The following GCG variants were observed in gnomAD, a reference collection of about 807,000 sequenced individuals.
The protein encoded by GCG is pro-glucagon.
Under a neutral mutation model 22.8 loss-of-function variants are expected in GCG, and 11 were observed. The observed-to-expected ratio is 0.48, with a 90% confidence interval of 0.30 to 0.80. GCG has a LOEUF of 0.80. GCG is among the 30% of genes least tolerant of loss of function. The pLI, the probability that GCG is intolerant of heterozygous loss-of-function variation, is 0.06. For missense variants in GCG, 222 were observed against 222.0 expected (o/e 1.00, Z 0.00); for synonymous variants, 89 against 72.4 (o/e 1.23, Z -1.16).
Position 162,145,638 on chromosome 2 carries a change from A to G in GCG, c.294T>C (p.His98=), listed in dbSNP as rs1254842405. 6.2e-7 allele frequency: 1 copy of G among 1,611,300 alleles called. No homozygotes were observed. The highest frequency in any genetic ancestry group is 8.5e-7 in the Non-Finnish European group (1 of 1,178,264). Residue 98 remains histidine (H), a synonymous_variant, in exon 4 of 6, where the codon CAT becomes CAC. Coordinates refer to ENST00000418842, the MANE Select transcript of GCG (RefSeq NM_002054.5). ...CATCACTGGTAAAGGTCCCTTCAGC[A>G]TGTCTCTCAAATTCATCGTGACGTT... ...IAKRHDEFER[H]AEGTFTSDVS... is the part of the protein sequence containing the mutation.
rs752560028 is a variant in GCG, at chr2:162,144,153, G to A, written c.410C>T (p.Ala137Val). Residue 137 changes from alanine (A) to valine (V), a missense_variant, in exon 5 of 6, where the codon GCC becomes GTC. Physicochemically the swap from Ala to Val is moderately conservative, Grantham distance 64 (BLOSUM62 0). Transcript: ENST00000418842. ...TCTGCGGCCAAGTTCTTCAACAATGGCGACCTCTTCTGGGAAACTAAGAAA... is the reference window on the plus strand; with the variant it reads ...TCTGCGGCCAAGTTCTTCAACAATGACGACCTCTTCTGGGAAACTAAGAAA... The part of the protein sequence containing the change: ...RGRRDFPEEV[A>V]IVEELGRRHA... 5.0e-6 allele frequency: 8 copies of A among 1,611,682 alleles called. No homozygotes were observed. Among genetic ancestry groups the A allele is most frequent in the Non-Finnish European group, 5.9e-6 (7 of 1,177,924 alleles).
Position 162,147,486 on chromosome 2 carries a change from G to A in GCG, c.121C>T (p.Leu41Phe), listed in dbSNP as rs776879926. 1 of 1,613,232 alleles carries A rather than the reference G, an allele frequency of 6.2e-7. No individual in the cohort carries two copies. The highest frequency in any genetic ancestry group is 2.2e-5 in the East Asian group (1 of 44,858). ...RSFSASQADPLSDPDQMNEDK... is the reference protein window; with the variant it reads ...RSFSASQADPFSDPDQMNEDK... ...TCGTTCATCTGATCAGGATCACTGA[G>A]TGGGTCTGCCTGGGAAGCTGAGAAT... The change falls in exon 3 of 6, where the codon CTC becomes TTC. Residue 41 changes from leucine to phenylalanine, a missense_variant. Transcript: ENST00000418842.
chr2:162,147,283 A>G, intron 3 of GCG, 70 bp downstream of exon 3: 1 of 1,134,192 alleles, frequency 8.8e-7, no homozygotes, highest in Non-Finnish European at 1.3e-6. Flanking sequence ...GAACTTAATA[A>G]TGTCAAGAGA....
rs1439932330 is a variant in GCG, at chr2:162,143,141, C to A, written c.*223G>T. The A allele has an allele frequency of 2.5e-6, 1 of 392,424 alleles. No homozygotes were observed. The highest frequency in any genetic ancestry group is 4.7e-6 in the Non-Finnish European group (1 of 213,790). The allele number at this position is 392,424 out of a possible 1,614,324, so 24.3% of individuals were successfully genotyped here. ...CAAAATAAGAAGAAAATAACAGAAT[C>A]TAGCACTTTCATATTTTAAAGCTGA... On this transcript the variant is annotated 3_prime_UTR_variant, in exon 6 of 6. Transcript: ENST00000418842.
chr2:162,149,136 C>T lies in GCG; in HGVS notation c.43G>A (p.Val15Ile). 1 of 1,612,510 alleles carries T rather than the reference C, an allele frequency of 6.2e-7. No homozygotes were observed. The highest frequency in any genetic ancestry group is 8.5e-7 in the Non-Finnish European group (1 of 1,178,926). ...YFVAGLFVML[V>I]QGSWQRSLQD... Reference sequence around the variant, plus strand: ...AGGGAACGTTGCCAGCTGCCTTGTACCAGCATTACAAATAATCCAGCCACA... The same window carrying T: ...AGGGAACGTTGCCAGCTGCCTTGTATCAGCATTACAAATAATCCAGCCACA... Residue 15 changes from valine to isoleucine, a missense_variant, in exon 2 of 6, where the codon GTA becomes ATA. Coordinates refer to ENST00000418842, the MANE Select transcript of GCG (RefSeq NM_002054.5).
chr2:162,151,983 ATTAAAG>A (rs1186842178), intron 1 of GCG, among the ~76,000 whole-genome samples, 169 bp downstream of exon 1: 1 of 152,122 alleles, frequency 6.6e-6, no homozygotes. Context: ...GCTTCGCTAT[ATTAAAG>A]TACACGTAAA....
rs1344694845 is a variant in GCG, at chr2:162,142,947, G to C, written c.*417C>G. ...GAAAGCTGAGTATTTTTAAGACAAA[G>C]GTTTCAGGAAGAAAGTTCTCTTTCC... is the stretch of plus-strand genomic sequence containing the variant. On this transcript the variant is annotated 3_prime_UTR_variant, in exon 6 of 6. Coordinates refer to ENST00000418842, the MANE Select transcript of GCG (RefSeq NM_002054.5). 6.4e-6 allele frequency: 1 copy of C among 155,552 alleles called. No individual in the cohort carries two copies. The highest frequency in any genetic ancestry group is 1.4e-5 in the Non-Finnish European group (1 of 70,404). 9.6% of individuals were successfully genotyped at this position (155,552 alleles called of 1,614,324 possible). A position where few individuals can be genotyped will look rare whatever the true frequency, so the allele number is the denominator to read the frequency against.
intron 1 of GCG, among the ~76,000 whole-genome samples, chr2:162,151,600 G>A (rs781136743): frequency 6.6e-6 from 1 of 152,076 alleles, no homozygotes; most frequent in African/African-American, 2.4e-5. Flanking sequence ...CACCAAGTAC[G>A]CTATGTTTTA....
chr2:162,149,501 A>G (rs1256913122), intron 1 of GCG, among the ~76,000 whole-genome samples: 2 of 152,162 alleles, frequency 1.3e-5, no homozygotes, highest in Non-Finnish European at 2.9e-5. Context: ...GTCCACAATC[A>G]ACATTTAAAA....
rs765632312 is a variant in GCG, at chr2:162,147,435, A to G, written c.172T>C (p.Phe58Leu). ...AGATACTTGCTGTAGTCACTGGTGAATGTGCCCTGTGAATGGCGCTTGTCC... is the reference window on the plus strand; with the variant it reads ...AGATACTTGCTGTAGTCACTGGTGAGTGTGCCCTGTGAATGGCGCTTGTCC... ...NEDKRHSQGT[F>L]TSDYSKYLDS... Residue 58 changes from phenylalanine to leucine, a missense_variant, in exon 3 of 6, where the codon TTC (phenylalanine) becomes CTC (leucine). Physicochemically the swap from Phe to Leu is conservative, Grantham distance 22. Transcript: ENST00000418842. 2.8e-5 allele frequency: 45 copies of G among 1,612,736 alleles called. No homozygotes were observed. The South Asian group carries it at 4.4e-4, about 16-fold the overall frequency.
At chr2:162,145,792 T>C in intron 3 of GCG, 115 bp from the exon 4 acceptor site, 1 of 731,114 alleles carries the variant, frequency 1.4e-6, no homozygotes, top group Non-Finnish European at 2.2e-6. Context: ...CTTAGGGAGT[T>C]TAGGAGATGA....
intron 4 of GCG, 115 bp downstream of exon 4, chr2:162,145,425 C>T: frequency 1.1e-6 from 1 of 869,900 alleles, no homozygotes; most frequent in Non-Finnish European, 1.7e-6. Flanking sequence ...GAATTATTTC[C>T]TTACTTTGCA....
At chr2:162,146,941 C>T (rs1013541962) in intron 3 of GCG, among the ~76,000 whole-genome samples, 1 of 152,082 alleles carries the variant, frequency 6.6e-6, no homozygotes, top group Non-Finnish European at 1.5e-5. Flanking sequence ...GTTTCCATTC[C>T]TTACCCTTGG....
Position 162,145,567 on chromosome 2 carries a change from C to A in GCG, c.365G>T (p.Trp122Leu). 1 of 1,610,524 alleles carries A rather than the reference C, an allele frequency of 6.2e-7. No homozygotes were observed. Among genetic ancestry groups the A allele is most frequent in the Non-Finnish European group, 8.5e-7 (1 of 1,178,244 alleles). Residue 122 changes from tryptophan to leucine, a missense_variant, in exon 4 of 6, where the codon TGG (tryptophan) becomes TTG (leucine). By Grantham distance (61) the Trp-to-Leu change is moderately conservative. Transcript: ENST00000418842. ...EGQAAKEFIA[W>L]LVKGRGRRDF... ...TCGCCTTCCTCGGCCTTTCACCAGC[C>A]AAGCAATGAATTCCTTGGCAGCTTG...
At chr2:162,147,636 C>T in intron 2 of GCG, 122 bp from the exon 3 acceptor site, 2 of 859,260 alleles carry the variant, frequency 2.3e-6, no homozygotes, top group South Asian at 1.3e-5. Context: ...TAGAGTATTT[C>T]AATAGGTAGT....
intron 5 of GCG, 41 bp downstream of exon 5, chr2:162,143,986 G>A (rs1348248883): frequency 1.9e-6 from 3 of 1,576,012 alleles, no homozygotes; most frequent in Admixed American, 3.4e-5. Flanking sequence ...CAGTACTTAT[G>A]AGAATTTGAT....
At chr2:162,146,457 G>C (rs1049568136) in intron 3 of GCG, among the ~76,000 whole-genome samples, 1 of 151,776 alleles carries the variant, frequency 6.6e-6, no homozygotes, top group African/African-American at 2.4e-5. Flanking sequence ...GACCATGATA[G>C]CCATCTTCCT....
intron 5 of GCG, chr2:162,143,793 C>T: frequency 1.9e-6 from 1 of 525,654 alleles, no homozygotes; most frequent in Non-Finnish European, 3.4e-6. Flanking sequence ...AGCTTCTTGA[C>T]TCTAATAGAC....
chr2:162,150,106 G>A (rs1259788805), intron 1 of GCG, among the ~76,000 whole-genome samples: 1 of 152,056 alleles, frequency 6.6e-6, no homozygotes, highest in African/African-American at 2.4e-5. Context: ...ATGCAGTGTC[G>A]ACGGGGACTG....
Sources: gnomAD v4.1 joint callset for allele counts (sites outside exome capture counted in the v4.1 genomes callset) on GRCh38, gnomAD v4.1.1 for gene constraint, MANE v1.5 for transcripts, NCBI Gene and HGNC (gene_info 2026-07-23, HGNC 2026-07-21) for gene names.